The following DPYD variants were observed in gnomAD, a reference collection of about 807,000 sequenced individuals.
The protein encoded by DPYD is dihydropyrimidine dehydrogenase, also known as dihydropyrimidine dehydrogenase [NADP(+)].
DPYD carries 109 observed loss-of-function variants against 116.2 expected under a neutral mutation model. That is an observed-to-expected ratio of 0.94 (90% CI 0.80 to 1.10). The LOEUF (loss-of-function observed/expected upper bound fraction) is 1.10. DPYD is among the 50% of genes least tolerant of loss of function. The pLI is 0.00. For missense variants in DPYD, 1,302 were observed against 1,254.5 expected (o/e 1.04, Z -0.57); for synonymous variants, 440 against 432.0 (o/e 1.02, Z -0.23).
At chr1:97,084,801 T>G (rs1259665617) in intron 21 of DPYD, among the ~76,000 whole-genome samples, 1 of 152,232 alleles carries the variant, frequency 6.6e-6, no homozygotes, top group East Asian at 1.9e-4. Flanking sequence ...GGATATTTTC[T>G]ACATTTAGCT....
At chr1:97,566,248 T>C (rs1200349037) in intron 11 of DPYD, among the ~76,000 whole-genome samples, 21 of 152,200 alleles carry the variant, frequency 1.4e-4, no homozygotes, top group Admixed American at 1.4e-3. Context: ...GGAGGCAAAG[T>C]TTGCATTTCT....
chr1:97,750,416 T>C (rs1664805605), intron 3 of DPYD, among the ~76,000 whole-genome samples: 1 of 152,186 alleles, frequency 6.6e-6, no homozygotes, highest in Non-Finnish European at 1.5e-5. Flanking sequence ...TAGACAAATA[T>C]GTAAACCCAT....
At chr1:97,111,148 T>C (rs1215228227) in intron 20 of DPYD, among the ~76,000 whole-genome samples, 31 of 152,112 alleles carry the variant, frequency 2.0e-4, no homozygotes, top group Admixed American at 1.5e-3. Flanking sequence ...CAAGGCTCAA[T>C]TGCCTCATCC....
chr1:97,776,578 T>C (rs1466201947), intron 3 of DPYD, among the ~76,000 whole-genome samples: 2 of 152,196 alleles, frequency 1.3e-5, no homozygotes, highest in Non-Finnish European at 1.5e-5. Flanking sequence ...AGTTTTTCTA[T>C]GCTTTTCAAC....
intron 13 of DPYD, among the ~76,000 whole-genome samples, chr1:97,510,171 C>T (rs966067458): frequency 4.0e-5 from 6 of 151,174 alleles, no homozygotes; most frequent in African/African-American, 1.5e-4. Context: ...ATCAGTAGCC[C>T]AGAAGGCAGA....
intron 3 of DPYD, among the ~76,000 whole-genome samples, chr1:97,821,858 C>T (rs1057513293): frequency 7.2e-5 from 11 of 151,970 alleles, no homozygotes; most frequent in Admixed American, 3.3e-4. Context: ...TCATAAATTA[C>T]AAAGCATTCT....
intron 4 of DPYD, among the ~76,000 whole-genome samples, chr1:97,739,210 C>A (rs886862706): frequency 2.0e-5 from 3 of 151,982 alleles, no homozygotes; most frequent in Non-Finnish European, 2.9e-5. Context: ...ATAGTATTTA[C>A]CATATTGAAT....
At chr1:97,696,066 G>T (rs1661286278) in intron 6 of DPYD, among the ~76,000 whole-genome samples, 2 of 151,480 alleles carry the variant, frequency 1.3e-5, no homozygotes, top group South Asian at 4.2e-4. Flanking sequence ...GGAGGTGGAG[G>T]TTGCAGTGAG....
chr1:97,662,568 G>C (rs928458483), intron 8 of DPYD, among the ~76,000 whole-genome samples: 9 of 152,048 alleles, frequency 5.9e-5, no homozygotes, highest in Admixed American at 1.3e-4. Flanking sequence ...AGGAGGCAGA[G>C]TTTGCAGTGA....
chr1:97,833,628 C>T (rs1669633244), intron 2 of DPYD, among the ~76,000 whole-genome samples: 1 of 152,050 alleles, frequency 6.6e-6, no homozygotes, highest in African/African-American at 2.4e-5. Context: ...CTAGAGCTAT[C>T]AACAAGATTA....
In DPYD at chr1:97,656,206, CAAG is replaced by C. The variant is rs201385400; in HGVS notation, c.850+22886_850+22888del. On this transcript the variant is annotated intron_variant, in intron 8 of 22. Coordinates refer to ENST00000370192, the MANE Select transcript of DPYD (RefSeq NM_000110.4). ...CGGAGCAGTTGTTCTGGCAGCCCAGCAAGAAGAAGGAGAATAATGTTCTCCACT... is the reference window on the plus strand; with the variant it reads ...CGGAGCAGTTGTTCTGGCAGCCCAGCAAGAAGGAGAATAATGTTCTCCACT... Among the ~76,000 whole-genome samples, 907 of 152,288 alleles carry C rather than the reference CAAG, an allele frequency of 6.0e-3. 8 individuals are homozygous for C. Among genetic ancestry groups the C allele is most frequent in the Middle Eastern group, 0.014 (4 of 294 alleles).
intron 19 of DPYD, among the ~76,000 whole-genome samples, chr1:97,215,501 T>G (rs1660319353): frequency 6.6e-6 from 1 of 152,112 alleles, no homozygotes; most frequent in African/African-American, 2.4e-5. Context: ...GTATGGTTGT[T>G]GAGGCATCTG....
At chr1:97,847,776 C>A (rs970764219) in intron 2 of DPYD, among the ~76,000 whole-genome samples, 16 of 152,202 alleles carry the variant, frequency 1.1e-4, no homozygotes, top group African/African-American at 3.6e-4. Flanking sequence ...GCTAATACAG[C>A]ATTTGAATGC....
chr1:97,151,259 A>T (rs756661021), intron 20 of DPYD, among the ~76,000 whole-genome samples: 4 of 152,234 alleles, frequency 2.6e-5, no homozygotes, highest in Non-Finnish European at 5.9e-5. Flanking sequence ...TACAGATATA[A>T]TCGTACATAT....
In DPYD at chr1:97,382,485, T is replaced by G. The variant is rs12078940; in HGVS notation, c.1906-24A>C. 3.4e-3 allele frequency: 5,050 copies of G among 1,487,540 alleles called. 145 individuals carry two copies. In the African/African-American group the frequency reaches 0.061, roughly 18 times the overall value. The allele number at this position is 1,487,540 out of a possible 1,614,324, so 92.1% of individuals were successfully genotyped here. A position where few individuals can be genotyped will look rare whatever the true frequency, so the allele number is the denominator to read the frequency against. On this transcript the variant is annotated intron_variant, in intron 14 of 22. Coordinates refer to ENST00000370192, the MANE Select transcript of DPYD (RefSeq NM_000110.4). ...ATCTTTAAAAAGAAAAACAAAAGAA[T>G]ATAAGTTCAAGTAGTTATCCAGTTG...
chr1:97,814,971 A>AAAGG (rs1195201815), intron 3 of DPYD, among the ~76,000 whole-genome samples: 1 of 151,190 alleles, frequency 6.6e-6, no homozygotes, highest in Non-Finnish European at 1.5e-5. Flanking sequence ...AGAAAGAAAG[A>AAAGG]AAGACAAAGA....
rs1462552417 is a variant in DPYD at position 97,578,813 on chromosome 1, T to C, written c.1129-4843A>G. ...ACAGGTACTATAAAATCATGAAATATAGGAACCACATGATGGATTTATGAA... is the reference window on the plus strand; with the variant it reads ...ACAGGTACTATAAAATCATGAAATACAGGAACCACATGATGGATTTATGAA... On this transcript the variant is annotated intron_variant, in intron 10 of 22. Coordinates refer to ENST00000370192, the MANE Select transcript of DPYD (RefSeq NM_000110.4). Among the ~76,000 whole-genome samples the C allele has an allele frequency of 2.6e-5, 4 of 152,214 alleles. No individual in the cohort carries two copies. The South Asian group carries it at 8.3e-4, about 32-fold the overall frequency.
At chr1:97,701,973 T>G (rs1571214873) in intron 5 of DPYD, among the ~76,000 whole-genome samples, 1 of 151,736 alleles carries the variant, frequency 6.6e-6, no homozygotes, top group East Asian at 1.9e-4. Context: ...AAATAATTTC[T>G]TATTCCCAGC....
At position 97,221,300 on chromosome 1, in the gene DPYD, T is replaced by TG. The variant is rs1660751171; in HGVS notation, c.2442+13551dup. Among the ~76,000 whole-genome samples the TG allele has an allele frequency of 4.0e-5, 5 of 124,906 alleles. No homozygotes were observed. In the South Asian group the frequency reaches 1.9e-3, roughly 47 times the overall value. 81.9% of individuals were successfully genotyped at this position (124,906 alleles called of 152,430 possible). A position where few individuals can be genotyped will look rare whatever the true frequency, so the allele number is the denominator to read the frequency against. On this transcript the variant is annotated intron_variant, in intron 19 of 22. Coordinates refer to ENST00000370192, the MANE Select transcript of DPYD (RefSeq NM_000110.4). ...TTCTTGAGTACAGTAACAGGGAGGG[T>TG]GGGGGATGCAGAGACAAATTATAGA...
Sources: allele counts gnomAD v4.1 joint callset (sites outside exome capture counted in the v4.1 genomes callset), GRCh38; gene constraint gnomAD v4.1.1; transcripts MANE v1.5; gene names NCBI Gene and HGNC (gene_info 2026-07-23, HGNC 2026-07-21).